Variants in TXLNG observed in about 807,000 individuals in gnomAD.
TXLNG encodes the protein taxilin gamma, also known as gamma-taxilin.
A neutral mutation model predicts 38.8 loss-of-function variants in TXLNG; 5 were observed. The observed-to-expected ratio is 0.13, with a 90% CI of 0.07 to 0.27. The LOEUF (loss-of-function observed/expected upper bound fraction) is 0.27, where lower values mean the gene tolerates loss of function less well. Ranked by LOEUF, TXLNG falls within the 10% of genes least tolerant of loss-of-function variation. The pLI is 1.00. For missense variants in TXLNG, 393 were observed against 398.2 expected (o/e 0.99, Z 0.11); for synonymous variants, 182 against 158.2 (o/e 1.15, Z -1.13).
rs988549405 is a variant in TXLNG, at chrX:16,841,263, T to C, written c.1249-165T>C. Reference sequence around the variant, plus strand: ...AAACAATATGCTAAATCTCATTCGGTATAGTTATGGGTGCAGTCATGCTAG... The same window carrying C: ...AAACAATATGCTAAATCTCATTCGGCATAGTTATGGGTGCAGTCATGCTAG... On this transcript the variant is annotated intron_variant, in intron 9 of 9. Coordinates refer to ENST00000380122, the MANE Select transcript of TXLNG (RefSeq NM_018360.3). Among the ~76,000 whole-genome samples the C allele has an allele frequency of 1.1e-4, 12 of 111,158 alleles. No homozygotes were observed. In the East Asian group the frequency reaches 3.1e-3, roughly 29 times the overall value.
At chrX:16,821,773 G>C (rs997423288) in intron 3 of TXLNG, among the ~76,000 whole-genome samples, 2 of 109,171 alleles carry the variant, frequency 1.8e-5, no homozygotes, top group Non-Finnish European at 3.8e-5. Context: ...GGCGGATCAC[G>C]AGGTCAGGAG....
intron 1 of TXLNG, among the ~76,000 whole-genome samples, chrX:16,801,814 T>C (rs2061472205): frequency 9.0e-6 from 1 of 110,838 alleles, no homozygotes; most frequent in African/African-American, 3.3e-5. Context: ...GTGTTGCCTG[T>C]GAACCGTGTG....
rs1244333118 is a variant in TXLNG at position 16,843,228 on chromosome X, G to GT, written c.*1466dup. 1 of 112,304 alleles carries GT rather than the reference G, an allele frequency of 8.9e-6. No homozygotes were observed. The highest frequency in any genetic ancestry group is 1.9e-5 in the Non-Finnish European group (1 of 53,224). 9.3% of individuals were successfully genotyped at this position (112,304 alleles called of 1,213,427 possible). A position where few individuals can be genotyped will look rare whatever the true frequency, so the allele number is the denominator to read the frequency against. On this transcript the variant is annotated 3_prime_UTR_variant, in exon 10 of 10. Coordinates refer to ENST00000380122, the MANE Select transcript of TXLNG (RefSeq NM_018360.3). ...AACTCTGTTTTGTCCAGTTAAAAGG[G>GT]TTTTCTCTTTGTTACAAGTGTTATT...
At chrX:16,799,983 A>T (rs892365886) in intron 1 of TXLNG, among the ~76,000 whole-genome samples, 2 of 109,261 alleles carry the variant, frequency 1.8e-5, no homozygotes, top group African/African-American at 3.3e-5. Context: ...ACTCTAGCCC[A>T]GGCTGGAGTG....
chrX:16,795,322 A>G (rs1927846261), intron 1 of TXLNG, among the ~76,000 whole-genome samples: 1 of 112,371 alleles, frequency 8.9e-6, no homozygotes, highest in African/African-American at 3.2e-5. Context: ...AGAAATAGCC[A>G]CAGAAGTTAA....
intron 1 of TXLNG, among the ~76,000 whole-genome samples, chrX:16,790,389 T>TG (rs1272654216): frequency 5.5e-5 from 6 of 109,837 alleles, no homozygotes; most frequent in African/African-American, 1.7e-4. Flanking sequence ...ATTTTAGAGT[T>TG]GGGGGTCCTG....
At position 16,800,874 on chromosome X, in the gene TXLNG, G is replaced by A. The variant is rs1174670773; in HGVS notation, c.102+14285G>A. Among the ~76,000 whole-genome samples the A allele has an allele frequency of 3.6e-5, 4 of 111,943 alleles. No individual in the cohort carries two copies. In the East Asian group the frequency reaches 1.1e-3, roughly 31 times the overall value. ...ATATTGTAATCCCAGTGATGGAGGTGGGGCCTGGTGGGAGGTGGGGCCTGG... is the reference window on the plus strand; with the variant it reads ...ATATTGTAATCCCAGTGATGGAGGTAGGGCCTGGTGGGAGGTGGGGCCTGG... On this transcript the variant is annotated intron_variant, in intron 1 of 9. Coordinates refer to ENST00000380122, the MANE Select transcript of TXLNG (RefSeq NM_018360.3).
rs148542135 is a variant in TXLNG, at chrX:16,841,455, G to C, written c.1276G>C (p.Ala426Pro). 1 of 1,210,776 alleles carries C rather than the reference G, an allele frequency of 8.3e-7. No individual in the cohort carries two copies. Among genetic ancestry groups the C allele is most frequent in the Non-Finnish European group, 1.1e-6 (1 of 895,032 alleles). Residue 426 changes from alanine (A) to proline (P), a missense_variant, in exon 10 of 10, where the codon GCC (alanine) becomes CCC (proline). Ala to Pro is a conservative substitution (Grantham distance 27). Transcript: ENST00000380122. ...EKTVRDKEYKALQIKLERLEK... is the reference protein window; with the variant it reads ...EKTVRDKEYKPLQIKLERLEK... The stretch of plus-strand genomic sequence containing the variant: ...AACAGTCCGTGATAAAGAGTACAAG[G>C]CCCTTCAAATAAAACTGGAACGGTT...
chrX:16,811,348 T>C (rs1187872640), intron 1 of TXLNG, among the ~76,000 whole-genome samples: 2 of 111,639 alleles, frequency 1.8e-5, no homozygotes, highest in Non-Finnish European at 3.8e-5. Context: ...CACAATAGTT[T>C]TTTGGCCTTC....
At chrX:16,789,792 CTAT>C (rs1170392936) in intron 1 of TXLNG, among the ~76,000 whole-genome samples, 3 of 107,272 alleles carry the variant, frequency 2.8e-5, no homozygotes, top group African/African-American at 1.0e-4. Context: ...CCCTTTCCCC[CTAT>C]TATTATTATT....
At chrX:16,820,113 A>G in intron 2 of TXLNG, 51 bp from the exon 3 acceptor site, 2 of 978,238 alleles carry the variant, frequency 2.0e-6, no homozygotes, top group African/African-American at 1.9e-5. Flanking sequence ...TTTACAGGTT[A>G]GATTTGATCT....
intron 1 of TXLNG, among the ~76,000 whole-genome samples, chrX:16,796,421 A>G (rs1602357948): frequency 8.9e-6 from 1 of 111,903 alleles, no homozygotes; most frequent in Non-Finnish European, 1.9e-5. Flanking sequence ...GACCGTGGAC[A>G]TCGTACTTAA....
At chrX:16,830,830 CGTGTGTGTGTGTGTGTGTGT>C (rs1186714021) in intron 5 of TXLNG, among the ~76,000 whole-genome samples, 62 of 37,938 alleles carry the variant, frequency 1.6e-3, no homozygotes, top group African/African-American at 8.4e-3. Flanking sequence ...ACCGTAATTC[CGTGTGTGTGTGTGTGTGTGT>C]GTGTGTGTGT....
At chrX:16,792,798 T>A (rs1304464304) in intron 1 of TXLNG, among the ~76,000 whole-genome samples, 1 of 103,497 alleles carries the variant, frequency 9.7e-6, no homozygotes, top group African/African-American at 3.6e-5. Flanking sequence ...ATAATAATAA[T>A]AAAAATAAAA....
At chrX:16,840,244 C>T (rs758544351) in intron 9 of TXLNG, among the ~76,000 whole-genome samples, 4 of 112,137 alleles carry the variant, frequency 3.6e-5, no homozygotes, top group East Asian at 2.8e-4. Context: ...TTGCATCAGA[C>T]GCCTGCTTGT....
rs139786293 is a variant in TXLNG at position 16,828,909 on chromosome X, A to G, written c.669+645A>G. Among the ~76,000 whole-genome samples, 544 of 111,379 alleles carry G rather than the reference A, an allele frequency of 4.9e-3. 4 individuals carry two copies. Among genetic ancestry groups the G allele is most frequent in the African/African-American group, 0.017 (524 of 30,616 alleles). ...CCCAATAAACTCCCTTTATGCCCCA[A>G]CAAACTCCCAAGGCCCTAGACTATA... On this transcript the variant is annotated intron_variant, in intron 4 of 9. Coordinates refer to ENST00000380122, the MANE Select transcript of TXLNG (RefSeq NM_018360.3).
intron 1 of TXLNG, among the ~76,000 whole-genome samples, chrX:16,801,665 C>T (rs1928095707): frequency 9.0e-6 from 1 of 111,585 alleles, no homozygotes. Flanking sequence ...ATTTCTTTAG[C>T]GTTATGATAG....
chrX:16,815,652 G>A (rs1445780059), intron 1 of TXLNG, among the ~76,000 whole-genome samples: 1 of 111,484 alleles, frequency 9.0e-6, no homozygotes, highest in Non-Finnish European at 1.9e-5. Flanking sequence ...CTCCCGAGTA[G>A]CTGGGATTAC....
chrX:16,801,386 A>T (rs1297467950), intron 1 of TXLNG, among the ~76,000 whole-genome samples: 2 of 111,474 alleles, frequency 1.8e-5, no homozygotes, highest in Admixed American at 1.9e-4. Context: ...GGGTTTTACC[A>T]TGTTGGCCAG....
Sources: allele counts gnomAD v4.1 joint callset (sites outside exome capture counted in the v4.1 genomes callset), GRCh38; gene constraint gnomAD v4.1.1; transcripts MANE v1.5; gene names NCBI Gene and HGNC (gene_info 2026-07-23, HGNC 2026-07-21).